Variants in RAB18 observed in about 807,000 individuals in gnomAD.
RAB18 encodes ras-related protein Rab-18.
A neutral mutation model predicts 28.5 loss-of-function variants in RAB18; 10 were observed. That is an observed-to-expected ratio of 0.35 (90% CI 0.22 to 0.60). RAB18 has a LOEUF of 0.60. RAB18 is among the 20% of genes least tolerant of loss of function. The pLI is 0.78. For synonymous variants in RAB18, 93 were observed against 86.9 expected, an observed-to-expected ratio of 1.07 and a Z score of -0.39; for missense variants, 188 against 244.2, an observed-to-expected ratio of 0.77 and a Z score of 1.53.
intron 2 of RAB18, among the ~76,000 whole-genome samples, chr10:27,523,639 G>T (rs1834612738): frequency 6.9e-6 from 1 of 144,708 alleles, no homozygotes; most frequent in Non-Finnish European, 1.5e-5. Context: ...TTGAGACAGG[G>T]TCTTGCTCTG....
At chr10:27,513,611 C>A (rs1221668052) in intron 2 of RAB18, among the ~76,000 whole-genome samples, 2 of 152,168 alleles carry the variant, frequency 1.3e-5, no homozygotes. Flanking sequence ...AACTGACACA[C>A]AAACCCAGCA....
At chr10:27,506,611 C>T (rs1837846225) in intron 1 of RAB18, among the ~76,000 whole-genome samples, 1 of 152,108 alleles carries the variant, frequency 6.6e-6, no homozygotes, top group African/African-American at 2.4e-5. Flanking sequence ...CATGAGCCAC[C>T]ACAACCGGCC....
chr10:27,530,758 CTA>C (rs1006630316), intron 3 of RAB18, among the ~76,000 whole-genome samples: 16 of 151,898 alleles, frequency 1.1e-4, no homozygotes, highest in African/African-American at 3.9e-4. Flanking sequence ...AATCATTTTA[CTA>C]TGATATGCAT....
intron 2 of RAB18, among the ~76,000 whole-genome samples, chr10:27,513,411 T>C (rs1834368712): frequency 6.6e-6 from 1 of 152,186 alleles, no homozygotes; most frequent in African/African-American, 2.4e-5. Context: ...ATTGGTATTT[T>C]ACCCCACAGT....
chr10:27,534,691 C>G (rs561194807), intron 6 of RAB18, among the ~76,000 whole-genome samples: 2 of 152,180 alleles, frequency 1.3e-5, no homozygotes, highest in African/African-American at 4.8e-5. Flanking sequence ...TGCCTTATTA[C>G]AGGTTTGAAA....
chr10:27,509,315 C>T (rs1271754653), intron 1 of RAB18, among the ~76,000 whole-genome samples: 5 of 152,070 alleles, frequency 3.3e-5, no homozygotes, highest in African/African-American at 4.8e-5. Context: ...AGTGTTTGCC[C>T]GAGTCTATCT....
At chr10:27,515,732 CAA>C (rs890526216) in intron 2 of RAB18, among the ~76,000 whole-genome samples, 2 of 141,730 alleles carry the variant, frequency 1.4e-5, no homozygotes, top group African/African-American at 2.6e-5. Context: ...AGACCTGTCT[CAA>C]AAAAAAAAAA....
chr10:27,505,535 T>A (rs1837802945), intron 1 of RAB18, among the ~76,000 whole-genome samples: 1 of 152,224 alleles, frequency 6.6e-6, no homozygotes, highest in Admixed American at 6.5e-5. Context: ...AAAGCTTATG[T>A]AATATATTCT....
intron 6 of RAB18, among the ~76,000 whole-genome samples, chr10:27,536,466 G>T (rs966191083): frequency 6.6e-6 from 1 of 152,106 alleles, no homozygotes; most frequent in Admixed American, 6.6e-5. Context: ...GATCACTTGA[G>T]CCTGGGAGGC....
rs553498175 is a variant in RAB18 at position 27,504,968 on chromosome 10, T to A, written c.68+531T>A. ...CGCAGCTTAATGTCGATTCTTTTACTTTTTTATTAGTCGGCTGTGAAAGAA... is the reference window on the plus strand; with the variant it reads ...CGCAGCTTAATGTCGATTCTTTTACATTTTTATTAGTCGGCTGTGAAAGAA... On this transcript the variant is annotated intron_variant, in intron 1 of 6. Coordinates refer to ENST00000356940, the MANE Select transcript of RAB18 (RefSeq NM_021252.5). 5.3e-3 allele frequency: 2,802 copies of A among 533,222 alleles called. 57 individuals are homozygous for A. Among genetic ancestry groups the A allele is most frequent in the African/African-American group, 0.046 (2,378 of 52,010 alleles). 33.0% of individuals were successfully genotyped at this position (533,222 alleles called of 1,614,324 possible). A position where few individuals can be genotyped will look rare whatever the true frequency, so the allele number is the denominator to read the frequency against.
At position 27,538,206 on chromosome 10, in the gene RAB18, C is replaced by T. The variant is rs1290024506; in HGVS notation, c.*155C>T. Reference sequence around the variant, plus strand: ...TTGCAAGAAATCCCACTCATCGACCCCGGGTAAAATGTTATGGTAAGCATG... The same window carrying T: ...TTGCAAGAAATCCCACTCATCGACCTCGGGTAAAATGTTATGGTAAGCATG... On this transcript the variant is annotated 3_prime_UTR_variant, in exon 7 of 7. Transcript: ENST00000356940. 1.9e-6 allele frequency: 2 copies of T among 1,026,728 alleles called. No homozygotes were observed. Among genetic ancestry groups the T allele is most frequent in the Non-Finnish European group, 2.9e-6 (2 of 680,728 alleles). 63.6% of individuals were successfully genotyped at this position (1,026,728 alleles called of 1,614,324 possible). A position where few individuals can be genotyped will look rare whatever the true frequency, so the allele number is the denominator to read the frequency against.
chr10:27,536,518 A>T (rs976565150), intron 6 of RAB18, among the ~76,000 whole-genome samples: 3 of 152,184 alleles, frequency 2.0e-5, no homozygotes, highest in Admixed American at 6.5e-5. Context: ...AGCCTAGGTG[A>T]CAGAGTGAGA....
chr10:27,513,479 GT>G (rs1194819281), intron 2 of RAB18, among the ~76,000 whole-genome samples: 1 of 152,168 alleles, frequency 6.6e-6, no homozygotes, highest in Admixed American at 6.5e-5. Context: ...AGACACTTAA[GT>G]TTCTGTCTTG....
chr10:27,533,592 G>T (rs1284446521), intron 4 of RAB18, 143 bp from the exon 5 acceptor site: 9 of 910,688 alleles, frequency 9.9e-6, no homozygotes, highest in Non-Finnish European at 1.5e-5. Context: ...TGGATCAGTA[G>T]ACACTCAATA....
intron 2 of RAB18, among the ~76,000 whole-genome samples, chr10:27,516,332 G>T (rs557731142): frequency 6.6e-6 from 1 of 152,186 alleles, no homozygotes; most frequent in Admixed American, 6.5e-5. Flanking sequence ...GAGGCAGGTG[G>T]ATCACTGAAG....
intron 2 of RAB18, among the ~76,000 whole-genome samples, chr10:27,517,296 G>C (rs1171553961): frequency 6.6e-6 from 1 of 152,128 alleles, no homozygotes; most frequent in Non-Finnish European, 1.5e-5. Context: ...CCGGGAGGCA[G>C]AGGTTGCAGT....
At chr10:27,534,371 T>G (rs1347868231) in intron 6 of RAB18, among the ~76,000 whole-genome samples, 4 of 152,218 alleles carry the variant, frequency 2.6e-5, no homozygotes, top group Middle Eastern at 3.2e-3. Flanking sequence ...AATTAGAATC[T>G]GCATTTTAAC....
chr10:27,538,134 G>C lies in RAB18; in HGVS notation c.*83G>C. On this transcript the variant is annotated 3_prime_UTR_variant, in exon 7 of 7. Transcript: ENST00000356940. ...TAAACTCTTTAACTGCTATTTTAGG[G>C]ACCTTGCAGTTTGCACATAATTGTT... is the stretch of plus-strand genomic sequence containing the variant. 6.4e-7 allele frequency: 1 copy of C among 1,554,198 alleles called. No homozygotes were observed.
intron 1 of RAB18, among the ~76,000 whole-genome samples, chr10:27,505,684 C>G (rs1227341415): frequency 6.6e-6 from 1 of 152,234 alleles, no homozygotes; most frequent in East Asian, 1.9e-4. Flanking sequence ...TTCAGCCTCC[C>G]GAGTAGCTGG....
Sources: allele counts gnomAD v4.1 joint callset (sites outside exome capture counted in the v4.1 genomes callset), GRCh38; gene constraint gnomAD v4.1.1; transcripts MANE v1.5; gene names NCBI Gene and HGNC (gene_info 2026-07-23, HGNC 2026-07-21).